Variants in SH3PXD2A observed in about 807,000 individuals in gnomAD.
SH3PXD2A encodes the protein SH3 and PX domain-containing protein 2A.
Under a neutral mutation model 115.2 loss-of-function variants are expected in SH3PXD2A, and 32 were observed. That is an observed-to-expected ratio of 0.28 (90% CI 0.21 to 0.37). The LOEUF (loss-of-function observed/expected upper bound fraction) is 0.37. Among genes scored for constraint, SH3PXD2A ranks in the 10% least tolerant of loss-of-function variants. SH3PXD2A has a pLI of 1.00. For synonymous variants in SH3PXD2A, 610 were observed against 629.1 expected (o/e 0.97, Z 0.45); for missense variants, 1,328 against 1,498.7 (o/e 0.89, Z 1.88).
chr10:103,628,299 G>T (rs1027479390), intron 8 of SH3PXD2A, among the ~76,000 whole-genome samples: 10 of 152,220 alleles, frequency 6.6e-5, no homozygotes, highest in Non-Finnish European at 1.5e-4. Flanking sequence ...CACATGACAG[G>T]TCTGGGCTTG....
chr10:103,840,983 A>C (rs762033), intron 1 of SH3PXD2A, among the ~76,000 whole-genome samples: 132,661 of 152,224 alleles, frequency 0.87, 58,938 homozygotes, highest in East Asian at 0.99. Flanking sequence ...ATACAAATCT[A>C]CTCTGAGGAT....
chr10:103,798,597 A>G (rs938134303), intron 2 of SH3PXD2A, among the ~76,000 whole-genome samples: 2 of 152,226 alleles, frequency 1.3e-5, no homozygotes, highest in African/African-American at 4.8e-5. Flanking sequence ...TGTGGCCCCC[A>G]GGAGGCTTAG....
chr10:103,709,528 G>A (rs1431177722), intron 5 of SH3PXD2A, among the ~76,000 whole-genome samples: 3 of 152,182 alleles, frequency 2.0e-5, no homozygotes, highest in Admixed American at 6.5e-5. Context: ...GAGATGAGTC[G>A]TGTTTTGTGG....
At chr10:103,692,912 G>T in intron 6 of SH3PXD2A, 116 bp downstream of exon 6, 1 of 850,270 alleles carries the variant, frequency 1.2e-6, no homozygotes, top group East Asian at 2.7e-5. Context: ...CCGTAGGCTG[G>T]CGTGCAAGGA....
chr10:103,790,742 A>G (rs962356955), intron 2 of SH3PXD2A, among the ~76,000 whole-genome samples: 1 of 152,220 alleles, frequency 6.6e-6, no homozygotes, highest in Admixed American at 6.5e-5. Flanking sequence ...CTCGTAATCA[A>G]TTAACAATGC....
rs1317991035 is a variant in SH3PXD2A at position 103,602,785 on chromosome 10, G to GGGA, written c.2430_2432dup (p.Pro811dup). The GGGA allele has an allele frequency of 6.2e-7, 1 of 1,614,122 alleles. No homozygotes were observed. Among genetic ancestry groups the GGGA allele is most frequent in the Admixed American group, 1.7e-5 (1 of 60,026 alleles). On this transcript the variant is annotated inframe_insertion, in exon 15 of 15. Coordinates refer to ENST00000369774, the MANE Select transcript of SH3PXD2A (RefSeq NM_001394015.1). ...ATGAGCTTCTCCTAGACCCCTCACTGGGAGCCTCGGAGGCCGTCTGCGGGG... is the reference window on the plus strand; with the variant it reads ...ATGAGCTTCTCCTAGACCCCTCACTGGGAGGAGCCTCGGAGGCCGTCTGCGGGG...
intron 7 of SH3PXD2A, 34 bp downstream of exon 7, chr10:103,668,574 A>G (rs969856175): frequency 3.2e-5 from 49 of 1,540,640 alleles, no homozygotes; most frequent in African/African-American, 4.1e-5. Flanking sequence ...TGGAACACAC[A>G]TGCTCACACA....
rs2038964088 is a variant in SH3PXD2A at position 103,784,670 on chromosome 10, TC to T, written c.153+16611del. ...AGGGCAGGACAGTCCCAGTAAAAAC[TC>T]GGGGGGTGCAGTGAGGAGGCAGGAG... On this transcript the variant is annotated intron_variant, in intron 2 of 14. Transcript: ENST00000369774. The surrounding 1 kb of genome is among the most constrained non-coding windows in gnomAD (Gnocchi z 4.4). 6.6e-6 allele frequency among the ~76,000 whole-genome samples: 1 copy of T among 150,564 alleles called. No individual in the cohort carries two copies. Among genetic ancestry groups the T allele is most frequent in the Admixed American group, 6.6e-5 (1 of 15,144 alleles).
chr10:103,801,851 C>T (rs2039150993), intron 1 of SH3PXD2A, among the ~76,000 whole-genome samples: 2 of 152,114 alleles, frequency 1.3e-5, no homozygotes, highest in African/African-American at 4.8e-5. Flanking sequence ...ATACAGGTGC[C>T]TGCCACCATG....
chr10:103,743,078 T>C (rs12779039), intron 3 of SH3PXD2A, among the ~76,000 whole-genome samples: 14,782 of 152,202 alleles, frequency 0.097, 840 homozygotes, highest in Non-Finnish European at 0.12. Context: ...ACCAGGTCCC[T>C]GTGCAAAGTG....
chr10:103,683,355 TA>T (rs2037636012), intron 6 of SH3PXD2A, among the ~76,000 whole-genome samples: 1 of 151,578 alleles, frequency 6.6e-6, no homozygotes, highest in South Asian at 2.1e-4. Context: ...TCTACTAAAA[TA>T]CAAAAAAATT....
chr10:103,712,087 C>T (rs1452264938), intron 5 of SH3PXD2A, among the ~76,000 whole-genome samples: 3 of 151,902 alleles, frequency 2.0e-5, no homozygotes, highest in African/African-American at 7.3e-5. Context: ...ACCCCAAAAC[C>T]TCCCTCTGGG....
At chr10:103,828,312 C>T (rs1372384562) in intron 1 of SH3PXD2A, among the ~76,000 whole-genome samples, 1 of 152,168 alleles carries the variant, frequency 6.6e-6, no homozygotes, top group Admixed American at 6.5e-5. Context: ...GAACAACATT[C>T]TCATGTTGCA....
At chr10:103,848,189 C>A (rs1002789115) in intron 1 of SH3PXD2A, among the ~76,000 whole-genome samples, 3 of 123,218 alleles carry the variant, frequency 2.4e-5, no homozygotes, top group African/African-American at 5.7e-5. Flanking sequence ...CAGCTGACAC[C>A]TCACTTCCTG....
At chr10:103,787,494 G>C (rs973888484) in intron 2 of SH3PXD2A, among the ~76,000 whole-genome samples, 2 of 152,158 alleles carry the variant, frequency 1.3e-5, no homozygotes, top group African/African-American at 2.4e-5. Context: ...TGGATGGAGT[G>C]GGGGCAGGCA....
rs561238980 is a variant in SH3PXD2A at position 103,835,103 on chromosome 10, A to G, written c.72+20092T>C. 2.6e-5 allele frequency among the ~76,000 whole-genome samples: 4 copies of G among 152,342 alleles called. No homozygotes were observed. The East Asian group carries it at 5.8e-4, about 22-fold the overall frequency. ...CTTTAAGGTTCTTGGGGACACTGGC[A>G]GAAGCTGTCTGCTTTCAAGCAGTTG... On this transcript the variant is annotated intron_variant, in intron 1 of 14. Coordinates refer to ENST00000369774, the MANE Select transcript of SH3PXD2A (RefSeq NM_001394015.1).
At chr10:103,615,483 G>GGTGTGT (rs57711259) in intron 11 of SH3PXD2A, among the ~76,000 whole-genome samples, 6,130 of 128,258 alleles carry the variant, frequency 0.048, 281 homozygotes, top group Non-Finnish European at 0.065. Flanking sequence ...AGAGTGCGAG[G>GGTGTGT]GTGTGTGTGT....
At position 103,667,640 on chromosome 10, in the gene SH3PXD2A, G is replaced by A. The variant is rs573532428; in HGVS notation, c.472+968C>T. 1.6e-4 allele frequency among the ~76,000 whole-genome samples: 24 copies of A among 152,276 alleles called. No individual in the cohort carries two copies. The East Asian group carries it at 4.6e-3, about 29-fold the overall frequency. ...CCCCGCCCACAGCTGCAGCAGTAGG[G>A]GCTGGGCTTTGGGCTCTAAACACTG... On this transcript the variant is annotated intron_variant, in intron 7 of 14. Coordinates refer to ENST00000369774, the MANE Select transcript of SH3PXD2A (RefSeq NM_001394015.1).
intron 1 of SH3PXD2A, among the ~76,000 whole-genome samples, chr10:103,854,018 C>T (rs1181445003): frequency 6.6e-6 from 1 of 152,194 alleles, no homozygotes; most frequent in East Asian, 1.9e-4. Context: ...AACCTGCCTC[C>T]ACATTTACCT....
Sources: gnomAD v4.1 joint callset for allele counts (sites outside exome capture counted in the v4.1 genomes callset) on GRCh38, gnomAD v4.1.1 for gene constraint, Gnocchi (gnomAD v3.1) non-coding constraint, MANE v1.5 for transcripts, NCBI Gene and HGNC (gene_info 2026-07-23, HGNC 2026-07-21) for gene names.